DUS2: variants seen among roughly 807,000 people sequenced by gnomAD.
The protein encoded by DUS2 is dihydrouridine synthase 2.
Under a neutral mutation model 71.3 loss-of-function variants are expected in DUS2, and 52 were observed. The ratio of observed to expected loss-of-function variants is 0.73; its 90% CI spans 0.58 to 0.92. The LOEUF is 0.92. DUS2 is among the 40% of genes least tolerant of loss of function. DUS2 has a pLI of 0.00. For missense variants in DUS2, 558 were observed against 622.6 expected, an observed-to-expected ratio of 0.90 and a Z score of 1.10; for synonymous variants, 204 against 227.8, an observed-to-expected ratio of 0.90 and a Z score of 0.94.
At chr16:68,033,762 G>T (rs139052696) in intron 2 of DUS2, among the ~76,000 whole-genome samples, 1 of 150,978 alleles carries the variant, frequency 6.6e-6, no homozygotes, top group East Asian at 2.0e-4. Context: ...CTCCTGAGTA[G>T]CTGGGATTAC....
chr16:68,050,700 T>C (rs1484112377), intron 4 of DUS2, among the ~76,000 whole-genome samples: 3 of 152,312 alleles, frequency 2.0e-5, no homozygotes, highest in South Asian at 4.1e-4. Context: ...TATATCTATA[T>C]TTATCTATCT....
At chr16:68,050,275 C>T (rs2033760163) in intron 4 of DUS2, among the ~76,000 whole-genome samples, 1 of 151,900 alleles carries the variant, frequency 6.6e-6, no homozygotes, top group Non-Finnish European at 1.5e-5. Flanking sequence ...GTAGCTGGGA[C>T]TACAGGTGCC....
chr16:68,066,975 G>A (rs922858418), intron 10 of DUS2, among the ~76,000 whole-genome samples: 1 of 151,420 alleles, frequency 6.6e-6, no homozygotes, highest in Non-Finnish European at 1.5e-5. Context: ...CAGCCAGTAC[G>A]TGGTGGAATT....
intron 8 of DUS2, among the ~76,000 whole-genome samples, chr16:68,065,455 A>G (rs759861473): frequency 1.3e-5 from 2 of 151,624 alleles, no homozygotes; most frequent in Non-Finnish European, 2.9e-5. Flanking sequence ...TTGGGAGGAT[A>G]AAACAGGTGG....
chr16:68,075,624 G>GT lies in DUS2; in HGVS notation c.1082+123dup, dbSNP rs2034146596. ...AACGTAGGGACCACAGGTCTTGTTG[G>GT]TTTGGAAACTCGTTCTAAATTTTCA... On this transcript the variant is annotated intron_variant, in intron 14 of 16. Transcript: ENST00000565263. 1.0e-5 allele frequency: 11 copies of GT among 1,068,020 alleles called. No homozygotes were observed. The East Asian group carries it at 3.2e-4, about 31-fold the overall frequency. The allele number at this position is 1,068,020 out of a possible 1,614,324, so 66.2% of individuals were successfully genotyped here.
chr16:68,078,001 TA>T (rs1240542726), intron 15 of DUS2: 6 of 178,918 alleles, frequency 3.4e-5, no homozygotes, highest in African/African-American at 1.4e-4. Context: ...CACCTCAGCA[TA>T]GAGCCTGAGA....
chr16:68,045,271 A>T (rs1315649822), intron 3 of DUS2, among the ~76,000 whole-genome samples: 1 of 151,768 alleles, frequency 6.6e-6, no homozygotes, highest in Non-Finnish European at 1.5e-5. Flanking sequence ...TCCTGTGTGT[A>T]TATGTATGGG....
chr16:68,073,978 CA>C, intron 12 of DUS2, 55 bp from the exon 13 acceptor site: 4 of 1,607,960 alleles, frequency 2.5e-6, no homozygotes, highest in Non-Finnish European at 3.4e-6. Context: ...GCCATCAGAG[CA>C]TAGCCCAGGC....
At chr16:68,025,918 G>A (rs1313238345) in intron 2 of DUS2, among the ~76,000 whole-genome samples, 1 of 152,086 alleles carries the variant, frequency 6.6e-6, no homozygotes, top group Non-Finnish European at 1.5e-5. Context: ...TGAGCACCAC[G>A]CATGTGCCAG....
In DUS2 at chr16:68,078,750, G is replaced by T; in HGVS notation, c.1246G>T (p.Asp416Tyr). The T allele has an allele frequency of 6.2e-7, 1 of 1,605,328 alleles. No homozygotes were observed. Among genetic ancestry groups the T allele is most frequent in the South Asian group, 1.1e-5 (1 of 90,706 alleles). ...AEQKYQSTLW[D>Y]KSKKLAEQAA... ...CCTTATTGCCCTCTGTCTGCTCAGG[G>T]ACAAGTCCAAGAAACTGGCGGAGCA... The change falls in exon 17 of 17, where the codon GAC becomes TAC. Residue 416 changes from aspartate (D) to tyrosine (Y), a missense_variant and splice_region_variant. Asp to Tyr is a radical substitution (Grantham distance 160). Coordinates refer to ENST00000565263, the MANE Select transcript of DUS2 (RefSeq NM_017803.5).
At chr16:68,031,642 C>CT (rs146354829) in intron 2 of DUS2, among the ~76,000 whole-genome samples, 45 of 149,072 alleles carry the variant, frequency 3.0e-4, no homozygotes, top group East Asian at 2.9e-3. Flanking sequence ...TCTTTAATGT[C>CT]TTTTTTTTTT....
intron 15 of DUS2, chr16:68,078,148 C>T (rs1437754134): frequency 7.2e-6 from 3 of 414,474 alleles, no homozygotes; most frequent in Non-Finnish European, 1.3e-5. Flanking sequence ...TCTGGTGACT[C>T]CTCATTTTGG....
chr16:68,046,117 A>T (rs1334786069), intron 3 of DUS2, among the ~76,000 whole-genome samples: 1 of 152,162 alleles, frequency 6.6e-6, no homozygotes, highest in Non-Finnish European at 1.5e-5. Context: ...TGTGATGCTG[A>T]GGGTTTGGCT....
chr16:68,060,045 G>A (rs2033917907), intron 7 of DUS2, among the ~76,000 whole-genome samples: 1 of 152,184 alleles, frequency 6.6e-6, no homozygotes, highest in South Asian at 2.1e-4. Context: ...GCCTAGACAA[G>A]GTTTGTAAGT....
intron 2 of DUS2, among the ~76,000 whole-genome samples, chr16:68,032,724 C>G (rs902424722): frequency 6.6e-6 from 1 of 150,842 alleles, no homozygotes; most frequent in Non-Finnish European, 1.5e-5. Context: ...AATCCCAGCT[C>G]TTTGGAAGGC....
intron 2 of DUS2, chr16:68,026,990 C>T (rs1025290271): frequency 9.9e-5 from 15 of 151,436 alleles, no homozygotes; most frequent in African/African-American, 3.4e-4. Flanking sequence ...CAGAATTGGG[C>T]TCAACCTCTT....
At chr16:68,058,887 C>G (rs1170288706) in intron 7 of DUS2, among the ~76,000 whole-genome samples, 3 of 152,158 alleles carry the variant, frequency 2.0e-5, no homozygotes, top group Non-Finnish European at 4.4e-5. Context: ...CTGCTGTGTT[C>G]TCATGGTTCA....
At chr16:68,076,980 G>A (rs906795636) in intron 15 of DUS2, among the ~76,000 whole-genome samples, 1 of 151,904 alleles carries the variant, frequency 6.6e-6, no homozygotes, top group Non-Finnish European at 1.5e-5. Context: ...GTCTCAGCCG[G>A]GCACGGTGGC....
intron 2 of DUS2, among the ~76,000 whole-genome samples, chr16:68,031,761 C>T (rs1000288415): frequency 6.6e-6 from 1 of 152,054 alleles, no homozygotes; most frequent in African/African-American, 2.4e-5. Context: ...GTGGTGCGAT[C>T]TTGGCTAACT....
Sources: allele counts gnomAD v4.1 joint callset (sites outside exome capture counted in the v4.1 genomes callset), GRCh38; gene constraint gnomAD v4.1.1; transcripts MANE v1.5; gene names NCBI Gene and HGNC (gene_info 2026-07-23, HGNC 2026-07-21).